The following ASCC3 variants were observed in gnomAD, a reference collection of about 807,000 sequenced individuals.
ASCC3 encodes the protein activating signal cointegrator 1 complex subunit 3, also known as ASC-1 complex subunit P200.
Under a neutral mutation model 256.3 loss-of-function variants are expected in ASCC3, and 158 were observed. The observed-to-expected ratio is 0.62, with a 90% CI of 0.54 to 0.70. The LOEUF (loss-of-function observed/expected upper bound fraction) is 0.70. Ranked by LOEUF, ASCC3 falls within the 30% of genes least tolerant of loss-of-function variation. The probability of loss-of-function intolerance (pLI) is 0.00; values close to 1 mark genes in which losing one functional copy is unlikely to be tolerated. For missense variants in ASCC3, 2,259 were observed against 2,626.0 expected (o/e 0.86, Z 3.05); for synonymous variants, 948 against 883.4 (o/e 1.07, Z -1.30).
chr6:100,530,947 A>G, intron 37 of ASCC3: 1 of 1,434,266 alleles, frequency 7.0e-7, no homozygotes, highest in Non-Finnish European at 9.8e-7. Context: ...CAGTGATTGC[A>G]AATCACGTGT....
chr6:100,806,250 T>G (rs1457605956), intron 4 of ASCC3, among the ~76,000 whole-genome samples: 1 of 152,014 alleles, frequency 6.6e-6, no homozygotes, highest in Non-Finnish European at 1.5e-5. Context: ...ACTATTTTTC[T>G]TACAACTACT....
At chr6:100,737,354 C>T (rs1340287414) in intron 10 of ASCC3, among the ~76,000 whole-genome samples, 2 of 151,962 alleles carry the variant, frequency 1.3e-5, no homozygotes, top group Non-Finnish European at 1.5e-5. Context: ...GCCCAGCATC[C>T]CTTAGCTATT....
intron 11 of ASCC3, among the ~76,000 whole-genome samples, chr6:100,720,814 T>C (rs1399608171): frequency 6.7e-6 from 1 of 148,462 alleles, no homozygotes; most frequent in Non-Finnish European, 1.5e-5. Flanking sequence ...TTATTATACA[T>C]ATATAATATA....
chr6:100,512,539 A>T (rs1020764435), intron 40 of ASCC3, among the ~76,000 whole-genome samples, 170 bp downstream of exon 40: 3 of 152,218 alleles, frequency 2.0e-5, no homozygotes, highest in Admixed American at 2.0e-4. Flanking sequence ...GAAAAATGAC[A>T]CATGAGGAGA....
At chr6:100,657,366 C>G (rs1775966599) in intron 16 of ASCC3, among the ~76,000 whole-genome samples, 4 of 151,366 alleles carry the variant, frequency 2.6e-5, no homozygotes, top group Non-Finnish European at 5.9e-5. Context: ...TGTAACAATT[C>G]ATGAAGATTT....
At chr6:100,742,706 G>C (rs984044476) in intron 10 of ASCC3, among the ~76,000 whole-genome samples, 1 of 152,200 alleles carries the variant, frequency 6.6e-6, no homozygotes, top group Non-Finnish European at 1.5e-5. Flanking sequence ...TAGACCATTT[G>C]GACTCTCCAA....
At chr6:100,661,167 A>C (rs866561969) in intron 16 of ASCC3, among the ~76,000 whole-genome samples, 2 of 151,756 alleles carry the variant, frequency 1.3e-5, no homozygotes, top group African/African-American at 2.4e-5. Flanking sequence ...CAAAGTGTTG[A>C]ATACCAAAGC....
At chr6:100,735,266 C>T (rs1444763185) in intron 10 of ASCC3, among the ~76,000 whole-genome samples, 1 of 152,130 alleles carries the variant, frequency 6.6e-6, no homozygotes, top group Non-Finnish European at 1.5e-5. Flanking sequence ...CATATTACCC[C>T]GATTTCATTT....
At chr6:100,607,501 T>C (rs946767052) in intron 30 of ASCC3, among the ~76,000 whole-genome samples, 6 of 151,952 alleles carry the variant, frequency 3.9e-5, no homozygotes, top group Non-Finnish European at 7.4e-5. Flanking sequence ...AAATCAGCCA[T>C]AATCCTTGCA....
At chr6:100,825,168 T>C (rs1165169933) in intron 4 of ASCC3, among the ~76,000 whole-genome samples, 1 of 152,220 alleles carries the variant, frequency 6.6e-6, no homozygotes, top group Non-Finnish European at 1.5e-5. Context: ...TTTTTCAAGC[T>C]TGTCCAACCC....
At chr6:100,841,911 A>C (rs1412398862) in intron 4 of ASCC3, among the ~76,000 whole-genome samples, 2 of 152,152 alleles carry the variant, frequency 1.3e-5, no homozygotes, top group African/African-American at 4.8e-5. Flanking sequence ...GAATAAGTAT[A>C]CCTCATTACA....
At chr6:100,766,087 T>C (rs1033658261) in intron 10 of ASCC3, among the ~76,000 whole-genome samples, 2 of 152,210 alleles carry the variant, frequency 1.3e-5, no homozygotes, top group African/African-American at 2.4e-5. Flanking sequence ...TATTCATTCA[T>C]TTCGTCTAAT....
chr6:100,562,410 G>T (rs779083328), intron 36 of ASCC3, among the ~76,000 whole-genome samples: 2 of 152,066 alleles, frequency 1.3e-5, no homozygotes, highest in African/African-American at 2.4e-5. Flanking sequence ...ATAGTGGGAA[G>T]ACTAGAGTCT....
At chr6:100,680,284 A>T (rs750330024) in intron 13 of ASCC3, among the ~76,000 whole-genome samples, 90 of 152,208 alleles carry the variant, frequency 5.9e-4, no homozygotes, top group Non-Finnish European at 1.2e-3. Flanking sequence ...GGAATTATTC[A>T]TGAAGTGACT....
chr6:100,621,645 G>A (rs952367541), intron 30 of ASCC3, among the ~76,000 whole-genome samples: 1 of 152,180 alleles, frequency 6.6e-6, no homozygotes, highest in Non-Finnish European at 1.5e-5. Flanking sequence ...TGGTGAGAAT[G>A]TAAATTAGTT....
chr6:100,879,345 A>T (rs1246253679), intron 1 of ASCC3, among the ~76,000 whole-genome samples: 1 of 152,182 alleles, frequency 6.6e-6, no homozygotes, highest in African/African-American at 2.4e-5. Flanking sequence ...TGATCAACTT[A>T]ATCTTCAGCC....
chr6:100,534,587 T>A (rs1039396155), intron 37 of ASCC3, among the ~76,000 whole-genome samples: 2 of 152,218 alleles, frequency 1.3e-5, no homozygotes, highest in Non-Finnish European at 2.9e-5. Flanking sequence ...CAAATTAGAA[T>A]ATTGTAAACA....
At chr6:100,630,914 T>C (rs553588692) in intron 26 of ASCC3, among the ~76,000 whole-genome samples, 30 of 152,204 alleles carry the variant, frequency 2.0e-4, no homozygotes, top group African/African-American at 7.2e-4. Flanking sequence ...GATTTCATTT[T>C]CAATCTTAAA....
chr6:100,539,816 C>A lies in ASCC3; in HGVS notation c.5775+347G>T, dbSNP rs7746128. On this transcript the variant is annotated intron_variant, in intron 37 of 41. Transcript: ENST00000369162. ...GTTATTGAAAAATGGCAGTTATTAC[C>A]TATTAATTTATATTTTAAATTGTCA... Among the ~76,000 whole-genome samples the A allele has an allele frequency of 5.3e-3, 805 of 151,580 alleles. 9 individuals are homozygous for A. Among genetic ancestry groups the A allele is most frequent in the African/African-American group, 0.019 (774 of 41,306 alleles).
Sources: allele counts gnomAD v4.1 joint callset (sites outside exome capture counted in the v4.1 genomes callset), GRCh38; gene constraint gnomAD v4.1.1; transcripts MANE v1.5; gene names NCBI Gene and HGNC (gene_info 2026-07-23, HGNC 2026-07-21).